The following FGF14 variants were observed in gnomAD, a reference collection of about 807,000 sequenced individuals.
FGF14 encodes fibroblast growth factor homologous factor 4.
Under a neutral mutation model 25.5 loss-of-function variants are expected in FGF14, and 5 were observed. That is an observed-to-expected ratio of 0.20 (90% confidence interval 0.10 to 0.41). The LOEUF (loss-of-function observed/expected upper bound fraction) is 0.41, where lower values mean the gene tolerates loss of function less well. FGF14 is among the 10% of genes least tolerant of loss of function. FGF14 has a pLI of 1.00. For synonymous variants in FGF14, 138 were observed against 118.3 expected, an observed-to-expected ratio of 1.17 and a Z score of -1.08; for missense variants, 222 against 320.1, an observed-to-expected ratio of 0.69 and a Z score of 2.34.
At chr13:101,949,222 C>T (rs1202474557) in intron 1 of FGF14, among the ~76,000 whole-genome samples, 1 of 152,118 alleles carries the variant, frequency 6.6e-6, no homozygotes, top group Admixed American at 6.5e-5. Flanking sequence ...TGACCAAAAT[C>T]GAAAAGGTGG....
At chr13:101,964,969 T>C (rs67434635) in intron 1 of FGF14, among the ~76,000 whole-genome samples, 28,338 of 152,010 alleles carry the variant, frequency 0.19, 2,922 homozygotes, top group Admixed American at 0.31. Flanking sequence ...TGGCCAGGCA[T>C]AGTGGGTCAT....
At chr13:102,362,359 T>C (rs981629823) in intron 1 of FGF14, among the ~76,000 whole-genome samples, 2 of 152,218 alleles carry the variant, frequency 1.3e-5, no homozygotes, top group Admixed American at 1.3e-4. Flanking sequence ...TCTCATTTGC[T>C]GAATGTTATC....
chr13:102,193,732 A>C (rs552263890), intron 1 of FGF14, among the ~76,000 whole-genome samples: 1 of 152,338 alleles, frequency 6.6e-6, no homozygotes, highest in Admixed American at 6.5e-5. Context: ...TCATGAAACA[A>C]AGAACAACAA....
rs73581601 is a variant in FGF14 at position 102,130,716 on chromosome 13, C to T, written c.209-255420G>A. Among the ~76,000 whole-genome samples, 502 of 152,178 alleles carry T rather than the reference C, an allele frequency of 3.3e-3. 2 individuals carry two copies. The highest frequency in any genetic ancestry group is 0.012 in the African/African-American group (481 of 41,518). ...AGCGTACAAGGGAAAGCCAAATGCC[C>T]TAGGATGACACTTTCAAACATCACA... On this transcript the variant is annotated intron_variant, in intron 1 of 4. Coordinates refer to the FGF14 transcript ENST00000376131.
chr13:102,040,291 T>C (rs1443409467), intron 1 of FGF14, among the ~76,000 whole-genome samples: 1 of 152,200 alleles, frequency 6.6e-6, no homozygotes, highest in African/African-American at 2.4e-5. Context: ...AGCTCACATT[T>C]TACTAGTTGT....
chr13:102,161,697 GAAGAAGAAGAAGAAGAAGAAGAAGA>G (rs2047769620), intron 1 of FGF14, among the ~76,000 whole-genome samples: 2 of 117,398 alleles, frequency 1.7e-5, no homozygotes. Context: ...AGAAGAAGAA[GAAGAAGAAGAAGAAGAAGAAGAAGA>G]AGAATAGAAA....
chr13:102,051,350 T>C (rs1242093997), intron 1 of FGF14, among the ~76,000 whole-genome samples: 1 of 152,174 alleles, frequency 6.6e-6, no homozygotes, highest in East Asian at 1.9e-4. Context: ...GCCTGTACCC[T>C]GAGTATCATT....
chr13:102,230,229 T>C lies in FGF14; in HGVS notation c.208+171242A>G, dbSNP rs554608344. Among the ~76,000 whole-genome samples, 17 of 152,274 alleles carry C rather than the reference T, an allele frequency of 1.1e-4. No individual in the cohort carries two copies. In the South Asian group the frequency reaches 3.5e-3, roughly 32 times the overall value. The stretch of plus-strand genomic sequence containing the variant: ...CATCACACAGCACTGAATCTGCCAG[T>C]GCTTTTATCTTGGACTTCCCAGTCT... On this transcript the variant is annotated intron_variant, in intron 1 of 4. Coordinates refer to the FGF14 transcript ENST00000376131.
At position 102,130,662 on chromosome 13, in the gene FGF14, AAAAAACAAG is replaced by A. The variant is rs2046157911; in HGVS notation, c.209-255375_209-255367del. Among the ~76,000 whole-genome samples, 3 of 152,184 alleles carry A rather than the reference AAAAAACAAG, an allele frequency of 2.0e-5. No homozygotes were observed. The South Asian group carries it at 6.2e-4, about 32-fold the overall frequency. On this transcript the variant is annotated intron_variant, in intron 1 of 4. Coordinates refer to the FGF14 transcript ENST00000376131. Reference sequence around the variant, plus strand: ...GTTCTACCTATCACAGGTAGAAAATAAAAAACAAGAAAAATAAAGTAAAAAGAGAGCGTA... The same window carrying A: ...GTTCTACCTATCACAGGTAGAAAATAAAAAATAAAGTAAAAAGAGAGCGTA...
At chr13:101,817,354 T>C (rs1002007193) in intron 3 of FGF14, among the ~76,000 whole-genome samples, 1 of 152,132 alleles carries the variant, frequency 6.6e-6, no homozygotes, top group Non-Finnish European at 1.5e-5. Flanking sequence ...TGAAACAGCA[T>C]AAAATAAAAC....
At chr13:102,386,716 CTG>C (rs1272634249) in intron 1 of FGF14, among the ~76,000 whole-genome samples, 1 of 152,204 alleles carries the variant, frequency 6.6e-6, no homozygotes, top group African/African-American at 2.4e-5. Context: ...GGGTAGGAAA[CTG>C]TGCACATTTC....
At chr13:102,141,770 G>A (rs1340953873) in intron 1 of FGF14, among the ~76,000 whole-genome samples, 2 of 152,124 alleles carry the variant, frequency 1.3e-5, no homozygotes, top group Non-Finnish European at 2.9e-5. Flanking sequence ...AAAAAAAGAG[G>A]CAGCTTTCTC....
intron 3 of FGF14, among the ~76,000 whole-genome samples, chr13:101,749,399 A>C (rs1464819187): frequency 3.9e-5 from 6 of 152,176 alleles, no homozygotes; most frequent in Non-Finnish European, 8.8e-5. Flanking sequence ...AGAGCAAAAC[A>C]ACAATAAAAG....
intron 1 of FGF14, among the ~76,000 whole-genome samples, chr13:102,136,481 A>G (rs1486657871): frequency 6.6e-6 from 1 of 152,160 alleles, no homozygotes; most frequent in African/African-American, 2.4e-5. Flanking sequence ...ACAGAAAATA[A>G]TCAGCTCCAA....
At chr13:102,373,741 C>CA (rs2057952968) in intron 1 of FGF14, 1 of 152,146 alleles carries the variant, frequency 6.6e-6, no homozygotes, top group Non-Finnish European at 1.5e-5. Context: ...GGAATAAACA[C>CA]AAGTCAAACT....
At chr13:102,261,641 A>C (rs1264567651) in intron 1 of FGF14, among the ~76,000 whole-genome samples, 1 of 152,246 alleles carries the variant, frequency 6.6e-6, no homozygotes, top group Non-Finnish European at 1.5e-5. Context: ...ATCAGCTTTT[A>C]GTGTCCAATA....
chr13:102,087,583 T>TA (rs893586059), intron 1 of FGF14, among the ~76,000 whole-genome samples: 1 of 141,806 alleles, frequency 7.1e-6, no homozygotes, highest in Non-Finnish European at 1.5e-5. Flanking sequence ...GGCTTTTTTT[T>TA]TTTTTTTTTT....
intron 1 of FGF14, among the ~76,000 whole-genome samples, chr13:102,012,785 A>G (rs922688908): frequency 6.6e-6 from 1 of 152,086 alleles, no homozygotes; most frequent in Non-Finnish European, 1.5e-5. Context: ...GCACTGCCTC[A>G]CTTTCTATTT....
chr13:102,161,606 AG>A (rs2047683340), intron 1 of FGF14, among the ~76,000 whole-genome samples: 4 of 3,304 alleles, frequency 1.2e-3, no homozygotes, highest in African/African-American at 5.2e-3. Flanking sequence ...AAGAAGAAGA[AG>A]AAGAAGAAGA....
Sources: allele counts gnomAD v4.1 joint callset (sites outside exome capture counted in the v4.1 genomes callset), GRCh38; gene constraint gnomAD v4.1.1; transcripts MANE v1.5; gene names NCBI Gene and HGNC (gene_info 2026-07-23, HGNC 2026-07-21).